Variants in MAPK10 observed in about 807,000 individuals in gnomAD.
MAPK10 encodes the protein JNK3 alpha protein kinase.
A neutral mutation model predicts 59.3 loss-of-function variants in MAPK10; 25 were observed. The ratio of observed to expected loss-of-function variants is 0.42; its 90% CI spans 0.31 to 0.59. MAPK10 has a LOEUF of 0.59. Ranked by LOEUF, MAPK10 falls within the 20% of genes least tolerant of loss-of-function variation. The pLI, the probability that MAPK10 is intolerant of heterozygous loss-of-function variation, is 0.15. For missense variants in MAPK10, 351 were observed against 568.9 expected (o/e 0.62, Z 3.90); for synonymous variants, 190 against 200.5 (o/e 0.95, Z 0.44).
intron 1 of MAPK10, among the ~76,000 whole-genome samples, chr4:86,489,488 T>C (rs557739607): frequency 6.6e-6 from 1 of 152,212 alleles, no homozygotes; most frequent in African/African-American, 2.4e-5. Context: ...ATTAGTGATG[T>C]AATTGAAGTG....
intron 1 of MAPK10, among the ~76,000 whole-genome samples, chr4:86,556,682 A>G (rs1228006584): frequency 2.6e-5 from 4 of 152,176 alleles, no homozygotes; most frequent in Non-Finnish European, 5.9e-5. Flanking sequence ...GATTGCAAAA[A>G]GAATTAAATG....
At chr4:86,548,028 C>T (rs1321427994) in intron 1 of MAPK10, among the ~76,000 whole-genome samples, 1 of 152,206 alleles carries the variant, frequency 6.6e-6, no homozygotes, top group Non-Finnish European at 1.5e-5. Context: ...CCAGCAGTGG[C>T]AACCCGCTCA....
intron 9 of MAPK10, chr4:86,089,382 CACTG>C: frequency 1.3e-6 from 1 of 743,562 alleles, no homozygotes; most frequent in Non-Finnish European, 2.3e-6. Context: ...TCTGACTTTT[CACTG>C]ACTGGATGAG....
intron 1 of MAPK10, among the ~76,000 whole-genome samples, chr4:86,551,017 A>T (rs546875362): frequency 6.6e-6 from 1 of 152,344 alleles, no homozygotes; most frequent in South Asian, 2.1e-4. Context: ...GGAGACAGAT[A>T]AGTAAAATCA....
chr4:86,345,143 T>G (rs4693765), intron 2 of MAPK10, among the ~76,000 whole-genome samples: 1 of 151,972 alleles, frequency 6.6e-6, no homozygotes, highest in Admixed American at 6.5e-5. Flanking sequence ...TAAAGCAAAA[T>G]TGTGCATTAG....
intron 1 of MAPK10, among the ~76,000 whole-genome samples, chr4:86,580,920 T>C (rs1047466303): frequency 7.2e-5 from 11 of 152,160 alleles, no homozygotes; most frequent in African/African-American, 2.7e-4. Flanking sequence ...TGATTTGACC[T>C]GGAGTTGTGA....
At chr4:86,261,709 A>G (rs2148742723) in intron 2 of MAPK10, among the ~76,000 whole-genome samples, 1 of 152,360 alleles carries the variant, frequency 6.6e-6, no homozygotes, top group East Asian at 1.9e-4. Flanking sequence ...GTGACTGGAC[A>G]TGCCTTTTTC....
intron 2 of MAPK10, among the ~76,000 whole-genome samples, chr4:86,331,634 A>T (rs2096156952): frequency 6.6e-6 from 1 of 152,180 alleles, no homozygotes; most frequent in Non-Finnish European, 1.5e-5. Flanking sequence ...CCCAGAACTG[A>T]AAAGAAAAAC....
intron 11 of MAPK10, among the ~76,000 whole-genome samples, chr4:86,050,867 C>T (rs994151635): frequency 4.6e-5 from 7 of 152,052 alleles, no homozygotes; most frequent in Admixed American, 1.3e-4. Context: ...AAGTTCTTTA[C>T]GCTAACTTAG....
intron 1 of MAPK10, among the ~76,000 whole-genome samples, chr4:86,447,179 G>A (rs1750144976): frequency 1.3e-5 from 2 of 152,088 alleles, no homozygotes; most frequent in African/African-American, 4.8e-5. Flanking sequence ...GGATCATGGG[G>A]GCAGTTTTCC....
Position 86,340,362 on chromosome 4 carries a change from A to G in MAPK10, c.-7+14168T>C, listed in dbSNP as rs182382591. ...ACAGTTCATCAGGCTGCACAGAAGC[A>G]TGGCTGGGAGGCCTCAGGAAACTTC... is the stretch of plus-strand genomic sequence containing the variant. On this transcript the variant is annotated intron_variant, in intron 2 of 13. Transcript: ENST00000641462. 827 of 153,466 alleles carry G rather than the reference A, an allele frequency of 5.4e-3. 13 individuals are homozygous for G. Among genetic ancestry groups the G allele is most frequent in the African/African-American group, 0.019 (774 of 41,584 alleles). 9.5% of individuals were successfully genotyped at this position (153,466 alleles called of 1,614,324 possible).
At chr4:86,064,193 C>T in intron 11 of MAPK10, 73 bp downstream of exon 11, 1 of 1,576,048 alleles carries the variant, frequency 6.3e-7, no homozygotes, top group Non-Finnish European at 8.7e-7. Context: ...CTTTAGGCTT[C>T]TAGTCCTATT....
intron 11 of MAPK10, among the ~76,000 whole-genome samples, chr4:86,047,198 A>G (rs1484219229): frequency 6.6e-6 from 1 of 152,116 alleles, no homozygotes; most frequent in Non-Finnish European, 1.5e-5. Flanking sequence ...TTTTAGTGCC[A>G]GGTTACACAC....
chr4:86,541,829 A>G (rs1758716248), intron 1 of MAPK10, among the ~76,000 whole-genome samples: 1 of 151,774 alleles, frequency 6.6e-6, no homozygotes, highest in Non-Finnish European at 1.5e-5. Flanking sequence ...CTGCCAAGAA[A>G]TTCCTTTCCT....
chr4:86,040,229 T>C (rs1211697313), intron 11 of MAPK10, among the ~76,000 whole-genome samples: 1 of 151,876 alleles, frequency 6.6e-6, no homozygotes, highest in African/African-American at 2.4e-5. Flanking sequence ...TTAAGGAAGC[T>C]CAACAAACTT....
chr4:86,060,436 CTCT>C (rs962670951), intron 11 of MAPK10, among the ~76,000 whole-genome samples: 3 of 152,120 alleles, frequency 2.0e-5, no homozygotes, highest in Non-Finnish European at 2.9e-5. Flanking sequence ...GCTTATGTTC[CTCT>C]TCTTCTGTGC....
At chr4:86,246,933 C>G (rs1323791449) in intron 2 of MAPK10, among the ~76,000 whole-genome samples, 2 of 152,212 alleles carry the variant, frequency 1.3e-5, no homozygotes, top group African/African-American at 4.8e-5. Flanking sequence ...TCCTCAACAT[C>G]CCGTGATGCT....
At chr4:86,052,877 G>C (rs1322288437) in intron 11 of MAPK10, among the ~76,000 whole-genome samples, 3 of 152,064 alleles carry the variant, frequency 2.0e-5, no homozygotes, top group Non-Finnish European at 4.4e-5. Context: ...GTAGAGACGG[G>C]ATTTCGCTAT....
intron 2 of MAPK10, among the ~76,000 whole-genome samples, chr4:86,264,173 T>C (rs1266611982): frequency 6.6e-6 from 1 of 152,198 alleles, no homozygotes; most frequent in Non-Finnish European, 1.5e-5. Flanking sequence ...AACAAGAAAA[T>C]GTTATATTAA....
Sources: allele counts gnomAD v4.1 joint callset (sites outside exome capture counted in the v4.1 genomes callset), GRCh38; gene constraint gnomAD v4.1.1; transcripts MANE v1.5; gene names NCBI Gene and HGNC (gene_info 2026-07-23, HGNC 2026-07-21).